The following COPG1 variants were observed in gnomAD, a reference collection of about 807,000 sequenced individuals.
The protein encoded by COPG1 is coat protein complex I subunit gamma 1, also known as coatomer subunit gamma-1.
Under a neutral mutation model 102.8 loss-of-function variants are expected in COPG1, and 29 were observed. That is an observed-to-expected ratio of 0.28 (90% confidence interval 0.21 to 0.38). The LOEUF is 0.38. COPG1 is among the 10% of genes least tolerant of loss of function. The pLI is 1.00. For synonymous variants in COPG1, 406 were observed against 421.6 expected (o/e 0.96, Z 0.45); for missense variants, 875 against 1,132.7 (o/e 0.77, Z 3.27).
chr3:129,272,321 G>GCCCACTGA lies in COPG1; in HGVS notation c.2064_2065insCCCACTGA (p.Val689ProfsTer42). On this transcript the variant is annotated frameshift_variant, in exon 20 of 24. Transcript: ENST00000314797. LOFTEE classifies it high-confidence loss of function. ...AGATGGAGCCCACTGAGGCCTATGAGGTGCTCTGTTACGTGCCTGCCCGGA... is the reference window on the plus strand; with the variant it reads ...AGATGGAGCCCACTGAGGCCTATGAGCCCACTGAGTGCTCTGTTACGTGCCTGCCCGGA... 6.2e-7 allele frequency: 1 copy of GCCCACTGA among 1,614,038 alleles called. No homozygotes were observed. Among genetic ancestry groups the GCCCACTGA allele is most frequent in the Non-Finnish European group, 8.5e-7 (1 of 1,179,912 alleles).
At chr3:129,252,815 T>C (rs1262183345) in intron 4 of COPG1, 61 bp from the exon 5 acceptor site, 2 of 1,576,830 alleles carry the variant, frequency 1.3e-6, no homozygotes, top group Non-Finnish European at 1.7e-6. Context: ...GGAGGTATCT[T>C]CTCCCAACTC....
At chr3:129,258,097 CTG>C (rs1939853121) in intron 10 of COPG1, among the ~76,000 whole-genome samples, 1 of 152,220 alleles carries the variant, frequency 6.6e-6, no homozygotes. Flanking sequence ...CGGGTCCACT[CTG>C]GAGCCTGTCA....
chr3:129,254,725 C>G lies in COPG1; in HGVS notation c.381C>G (p.Ala127=). Residue 127 remains alanine, a synonymous_variant, in exon 6 of 24, where the codon GCC becomes GCG. Coordinates refer to ENST00000314797, the MANE Select transcript of COPG1 (RefSeq NM_016128.4). ...EDNYRGPAVR[A]LCQITDSTML... is the part of the protein sequence containing the mutation. ...ACTACCGGGGCCCGGCCGTGCGAGC[C>G]CTCTGCCAGATCACTGATGTGAGTC... is the stretch of plus-strand genomic sequence containing the variant. 2 of 1,614,038 alleles carry G rather than the reference C, an allele frequency of 1.2e-6. No homozygotes were observed.
At chr3:129,260,107 A>T (rs1418641407) in intron 10 of COPG1, 1 of 576,480 alleles carries the variant, frequency 1.7e-6, no homozygotes, top group Non-Finnish European at 3.1e-6. Flanking sequence ...GCAGATGCCC[A>T]GTGAATAACA....
chr3:129,256,491 C>T (rs115665816), intron 8 of COPG1, among the ~76,000 whole-genome samples: 2,514 of 152,338 alleles, frequency 0.017, 71 homozygotes, highest in African/African-American at 0.057. Flanking sequence ...GCCAGCCTGG[C>T]TTTGTTATGA....
At chr3:129,253,019 T>C in intron 5 of COPG1, 64 bp downstream of exon 5, 4 of 1,422,084 alleles carry the variant, frequency 2.8e-6, no homozygotes, top group Non-Finnish European at 4.0e-6. Flanking sequence ...TTTTTTCTTG[T>C]GTGTACCAGA....
chr3:129,253,020 G>A (rs1194674157), intron 5 of COPG1, 65 bp downstream of exon 5: 1 of 1,419,036 alleles, frequency 7.0e-7, no homozygotes, highest in Non-Finnish European at 9.9e-7. Flanking sequence ...TTTTTCTTGT[G>A]TGTACCAGAC....
intron 12 of COPG1, among the ~76,000 whole-genome samples, chr3:129,261,706 T>G (rs572921667): frequency 2.0e-5 from 3 of 152,128 alleles, no homozygotes; most frequent in Non-Finnish European, 4.4e-5. Flanking sequence ...TAGAGCTCAT[T>G]CAGATTTCAC....
chr3:129,277,464 C>G lies in COPG1; in HGVS notation c.*40C>G. 1.9e-6 allele frequency: 3 copies of G among 1,604,654 alleles called. No homozygotes were observed. Among genetic ancestry groups the G allele is most frequent in the Non-Finnish European group, 2.6e-6 (3 of 1,173,730 alleles). The stretch of plus-strand genomic sequence containing the variant: ...TAGGACCTCATACCCTTCCCCAACA[C>G]TACCTGGAAGTTGTGCCTTCCTCAT... On this transcript the variant is annotated 3_prime_UTR_variant, in exon 24 of 24. Coordinates refer to ENST00000314797, the MANE Select transcript of COPG1 (RefSeq NM_016128.4).
At chr3:129,258,357 A>G (rs1939857893) in intron 10 of COPG1, among the ~76,000 whole-genome samples, 1 of 152,246 alleles carries the variant, frequency 6.6e-6, no homozygotes, top group Non-Finnish European at 1.5e-5. Context: ...TCAGATGTGG[A>G]TGATAGATCA....
At chr3:129,266,027 A>G (rs1406386197) in intron 14 of COPG1, among the ~76,000 whole-genome samples, 2 of 151,660 alleles carry the variant, frequency 1.3e-5, no homozygotes, top group African/African-American at 4.9e-5. Context: ...GCTGGAATGC[A>G]GTGGCGCAAT....
At chr3:129,274,177 A>T in intron 21 of COPG1, 1 of 438,924 alleles carries the variant, frequency 2.3e-6, no homozygotes, top group African/African-American at 2.1e-5. Context: ...GAGCCCATCC[A>T]GAGATGAAGA....
intron 7 of COPG1, among the ~76,000 whole-genome samples, chr3:129,255,527 G>A (rs1939792066): frequency 6.7e-6 from 1 of 148,656 alleles, no homozygotes; most frequent in Non-Finnish European, 1.5e-5. Flanking sequence ...CTGTTGCCCA[G>A]GCTGGAGTGC....
chr3:129,256,357 G>T (rs754144891), intron 8 of COPG1, among the ~76,000 whole-genome samples: 16 of 152,240 alleles, frequency 1.1e-4, no homozygotes, highest in Non-Finnish European at 1.9e-4. Flanking sequence ...TTGGGTTACA[G>T]ACTGCTTACC....
intron 14 of COPG1, 54 bp from the exon 15 acceptor site, chr3:129,266,970 A>G: frequency 6.6e-7 from 1 of 1,517,752 alleles, no homozygotes; most frequent in Non-Finnish European, 9.1e-7. Context: ...GAAGTGCCCA[A>G]ACAGTGAGTT....
rs1402131799 is a variant in COPG1 at position 129,252,950 on chromosome 3, C to T, written c.318C>T (p.Thr106=). 1 of 1,613,972 alleles carries T rather than the reference C, an allele frequency of 6.2e-7. No individual in the cohort carries two copies. The highest frequency in any genetic ancestry group is 1.7e-5 in the Admixed American group (1 of 60,018). ...SCIAEDVIIV[T]SSLTKDMTGK... is the part of the protein sequence containing the mutation. ...TTGCAGAGGATGTCATCATTGTCAC[C>T]AGCAGGCAAGTCATGGGGTTGTGGG... The change falls in exon 5 of 24, where the codon ACC becomes ACT. Residue 106 remains threonine (T), a synonymous_variant. Coordinates refer to ENST00000314797, the MANE Select transcript of COPG1 (RefSeq NM_016128.4).
At chr3:129,263,037 A>C (rs6770334) in intron 12 of COPG1, among the ~76,000 whole-genome samples, 4 of 130,868 alleles carry the variant, frequency 3.1e-5, no homozygotes, top group Admixed American at 3.0e-4. Context: ...AAAAAAAAAG[A>C]GTCCTTCTGG....
At chr3:129,253,411 G>T (rs200662330) in intron 5 of COPG1, among the ~76,000 whole-genome samples, 2 of 152,164 alleles carry the variant, frequency 1.3e-5, no homozygotes, top group East Asian at 3.8e-4. Flanking sequence ...GGTTGTGGGG[G>T]TCATACATTG....
chr3:129,252,270 T>G lies in COPG1; in HGVS notation c.91-11T>G. 3 of 1,578,938 alleles carry G rather than the reference T, an allele frequency of 1.9e-6. No individual in the cohort carries two copies. Among genetic ancestry groups the G allele is most frequent in the African/African-American group, 1.4e-5 (1 of 73,762 alleles). On this transcript the variant is annotated splice_polypyrimidine_tract_variant and intron_variant, in intron 2 of 23. Coordinates refer to ENST00000314797, the MANE Select transcript of COPG1 (RefSeq NM_016128.4). ...GGCTAGAAGGTAACATCTTTGGTCA[T>G]TTCTTCTTAGGCCCGTGTATTTAAT...
Sources: gnomAD v4.1 joint callset for allele counts (sites outside exome capture counted in the v4.1 genomes callset) on GRCh38, gnomAD v4.1.1 for gene constraint, MANE v1.5 for transcripts, NCBI Gene and HGNC (gene_info 2026-07-23, HGNC 2026-07-21) for gene names.